WNK1: variants seen among roughly 807,000 people sequenced by gnomAD.
WNK1 encodes the protein serine/threonine-protein kinase WNK1.
WNK1 carries 38 observed loss-of-function variants against 222.8 expected under a neutral mutation model. The ratio of observed to expected loss-of-function variants is 0.17; its 90% CI spans 0.13 to 0.22. The LOEUF (loss-of-function observed/expected upper bound fraction) is 0.22, where lower values mean the gene tolerates loss of function less well. Ranked by LOEUF, WNK1 falls within the 10% of genes least tolerant of loss-of-function variation. WNK1 has a pLI of 1.00. For synonymous variants in WNK1, 1,090 were observed against 1,092.9 expected, an observed-to-expected ratio of 1.00 and a Z score of 0.05; for missense variants, 2,348 against 2,918.4, an observed-to-expected ratio of 0.80 and a Z score of 4.50.
intron 10 of WNK1, 103 bp from the exon 11 acceptor site, chr12:879,470 C>CTTT: frequency 1.4e-5 from 9 of 658,272 alleles, no homozygotes; most frequent in South Asian, 2.4e-5. Context: ...TTGTTTTTTC[C>CTTT]TTCTTTTTGG....
intron 1 of WNK1, among the ~76,000 whole-genome samples, chr12:810,814 A>C (rs1946835601): frequency 6.6e-6 from 1 of 152,220 alleles, no homozygotes; most frequent in African/African-American, 2.4e-5. Context: ...TGGATAATCT[A>C]CTGAGCACTG....
In WNK1 at chr12:813,665, G is replaced by A; in HGVS notation, c.783G>A (p.Glu261=). Residue 261 remains glutamate (E), a synonymous_variant, in exon 2 of 28, where the codon GAG becomes GAA. Transcript: ENST00000315939. ...ELQDRKLTKS[E]RQRFKEEAEM... is the part of the protein sequence containing the mutation. ...AGGATCGAAAATTAACAAAGTCTGA[G>A]AGGCAGAGATTTAAAGAAGAAGCTG... is the stretch of plus-strand genomic sequence containing the variant. 1.9e-6 allele frequency: 3 copies of A among 1,613,694 alleles called. No individual in the cohort carries two copies. Among genetic ancestry groups the A allele is most frequent in the Non-Finnish European group, 2.5e-6 (3 of 1,179,898 alleles).
intron 1 of WNK1, among the ~76,000 whole-genome samples, chr12:798,192 C>CTT (rs112573663): frequency 1.3e-4 from 18 of 143,400 alleles, no homozygotes; most frequent in South Asian, 4.4e-4. Context: ...ATTGCATTTT[C>CTT]TTTTTTTTTT....
Position 880,791 on chromosome 12 carries a change from C to A in WNK1, c.2903C>A (p.Ser968Tyr), listed in dbSNP as rs759691011. Residue 968 changes from serine (S) to tyrosine (Y), a missense_variant, in exon 12 of 28, where the codon TCT becomes TAT. Coordinates refer to ENST00000315939, the MANE Select transcript of WNK1 (RefSeq NM_018979.4). ...ATTGCTCCCTCTTCCAACGTGGCTT[C>A]TGTTTGCATCCATTCTACAGTCCTA... ...SNIAPSSNVA[S>Y]VCIHSTVLSP... The A allele has an allele frequency of 6.2e-7, 1 of 1,614,124 alleles. No homozygotes were observed. Among genetic ancestry groups the A allele is most frequent in the Admixed American group, 1.7e-5 (1 of 60,004 alleles).
chr12:762,803 A>G (rs1591584961), intron 1 of WNK1, among the ~76,000 whole-genome samples: 1 of 146,204 alleles, frequency 6.8e-6, no homozygotes, highest in Non-Finnish European at 1.5e-5. Flanking sequence ...CTGGAGTGCA[A>G]TGGCGCGATC....
At chr12:890,353 C>T (rs891699372) in intron 21 of WNK1, 100 bp from the exon 22 acceptor site, 3 of 1,169,002 alleles carry the variant, frequency 2.6e-6, no homozygotes, top group Non-Finnish European at 3.9e-6. Context: ...CATATACTGT[C>T]TTTCTGCCCT....
At chr12:832,098 C>T (rs34826796) in intron 4 of WNK1, among the ~76,000 whole-genome samples, 4,884 of 152,020 alleles carry the variant, frequency 0.032, 156 homozygotes, top group Non-Finnish European at 0.038. Context: ...TTTTTTGAGA[C>T]GGCGTCTCGC....
At chr12:880,147 A>G in intron 11 of WNK1, 116 bp downstream of exon 11, 2 of 1,009,520 alleles carry the variant, frequency 2.0e-6, no homozygotes, top group Non-Finnish European at 3.0e-6. Flanking sequence ...TGTCAACTAG[A>G]GAAGCAAAAT....
chr12:868,373 C>A, intron 8 of WNK1: 1 of 1,613,916 alleles, frequency 6.2e-7, no homozygotes, highest in Non-Finnish European at 8.5e-7. Context: ...GAAACAGATA[C>A]CTGAACAGAA....
In WNK1 at chr12:910,808, A is replaced by G. The variant is rs1956029449; in HGVS notation, c.*2016A>G. The G allele has an allele frequency of 6.6e-6, 1 of 152,424 alleles. No homozygotes were observed. Among genetic ancestry groups the G allele is most frequent in the African/African-American group, 2.4e-5 (1 of 41,456 alleles). 9.4% of individuals were successfully genotyped at this position (152,424 alleles called of 1,614,324 possible). A position where few individuals can be genotyped will look rare whatever the true frequency, so the allele number is the denominator to read the frequency against. ...TAAGTAAGTTGGTCTACGGCCCTAA[A>G]TATGCAAATGAGAGCTGAAGGTTTT... On this transcript the variant is annotated 3_prime_UTR_variant, in exon 28 of 28. Coordinates refer to ENST00000315939, the MANE Select transcript of WNK1 (RefSeq NM_018979.4).
At chr12:858,060 G>C (rs1950921066) in intron 5 of WNK1, among the ~76,000 whole-genome samples, 1 of 152,104 alleles carries the variant, frequency 6.6e-6, no homozygotes, top group Non-Finnish European at 1.5e-5. Flanking sequence ...TCGTTATTTA[G>C]AAGAGCTTAA....
At chr12:877,484 G>A (rs1252438523) in intron 9 of WNK1, among the ~76,000 whole-genome samples, 1 of 152,160 alleles carries the variant, frequency 6.6e-6, no homozygotes, top group Non-Finnish European at 1.5e-5. Context: ...TATGTTCCAT[G>A]CATTAAATTA....
At chr12:902,740 AT>A in intron 26 of WNK1, among the ~76,000 whole-genome samples, 1 of 152,218 alleles carries the variant, frequency 6.6e-6, no homozygotes, top group Non-Finnish European at 1.5e-5. Flanking sequence ...TCAAGCTAAG[AT>A]CATGTACAGA....
In WNK1 at chr12:909,749, T is replaced by A. The variant is rs1955959268; in HGVS notation, c.*957T>A. On this transcript the variant is annotated 3_prime_UTR_variant, in exon 28 of 28. Transcript: ENST00000315939. ...TAGCATCAACTTACCAGACCCCAGATCAATAAAGGGCATGTGGAAGGAAAT... is the reference window on the plus strand; with the variant it reads ...TAGCATCAACTTACCAGACCCCAGAACAATAAAGGGCATGTGGAAGGAAAT... 1.3e-5 allele frequency: 2 copies of A among 152,144 alleles called. No individual in the cohort carries two copies. Among genetic ancestry groups the A allele is most frequent in the South Asian group, 4.1e-4 (2 of 4,828 alleles). The allele number at this position is 152,144 out of a possible 1,614,324, so 9.4% of individuals were successfully genotyped here.
chr12:807,211 C>T (rs2154001390), intron 1 of WNK1, among the ~76,000 whole-genome samples: 1 of 151,440 alleles, frequency 6.6e-6, no homozygotes, highest in Non-Finnish European at 1.5e-5. Flanking sequence ...GTAATCCCAG[C>T]ACTTTGGGAG....
chr12:767,994 A>G (rs1941988893), intron 1 of WNK1, among the ~76,000 whole-genome samples: 1 of 152,192 alleles, frequency 6.6e-6, no homozygotes, highest in Non-Finnish European at 1.5e-5. Context: ...AGACAAAAAA[A>G]GCCACCAGCC....
Position 859,496 on chromosome 12 carries a change from T to G in WNK1, c.1620+32T>G, listed in dbSNP as rs758207187. On this transcript the variant is annotated intron_variant, in intron 6 of 27. Coordinates refer to ENST00000315939, the MANE Select transcript of WNK1 (RefSeq NM_018979.4). ...TGACATTAGCCATTTTAAAATTGAT[T>G]TAGACTTATATATATCAATACTATC... 2.0e-6 allele frequency: 3 copies of G among 1,531,758 alleles called. No individual in the cohort carries two copies. In the Admixed American group the frequency reaches 5.1e-5, roughly 26 times the overall value. 94.9% of individuals were successfully genotyped at this position (1,531,758 alleles called of 1,614,324 possible).
In WNK1 at chr12:753,573, G is replaced by A; in HGVS notation, c.8G>A (p.Gly3Asp). The A allele has an allele frequency of 1.9e-6, 3 of 1,612,520 alleles. No homozygotes were observed. The highest frequency in any genetic ancestry group is 2.5e-6 in the Non-Finnish European group (3 of 1,179,932). Residue 3 changes from glycine to aspartate, a missense_variant, in exon 1 of 28, where the codon GGC (glycine) becomes GAC (aspartate). Transcript: ENST00000315939. The surrounding 1 kb of genome is among the most constrained non-coding windows in gnomAD (Gnocchi z 5.2). The stretch of plus-strand genomic sequence containing the variant: ...CTCTCCAGCGAACCGACCATGTCTG[G>A]CGGCGCCGCAGAGAAGCAGAGCAGC... MSGGAAEKQSSTP... is the reference protein window; with the variant it reads MSDGAAEKQSSTP...
intron 1 of WNK1, among the ~76,000 whole-genome samples, chr12:799,219 G>C (rs536836891): frequency 6.6e-6 from 1 of 152,138 alleles, no homozygotes; most frequent in Admixed American, 6.5e-5. Flanking sequence ...AACCTCCTGG[G>C]CTCAAGCAAT....
Sources: allele counts gnomAD v4.1 joint callset (sites outside exome capture counted in the v4.1 genomes callset), GRCh38; gene constraint gnomAD v4.1.1; non-coding constraint Gnocchi (gnomAD v3.1); transcripts MANE v1.5; gene names NCBI Gene and HGNC (gene_info 2026-07-23, HGNC 2026-07-21).